Variants in SEMA5B observed in about 807,000 individuals in gnomAD.
SEMA5B encodes semaphorin 5B.
SEMA5B carries 66 observed loss-of-function variants against 135.0 expected under a neutral mutation model. That is an observed-to-expected ratio of 0.49 (90% CI 0.40 to 0.60). The LOEUF (loss-of-function observed/expected upper bound fraction) is 0.60, where lower values mean the gene tolerates loss of function less well. Among genes scored for constraint, SEMA5B ranks in the 20% least tolerant of loss-of-function variants. SEMA5B has a pLI of 0.00. For synonymous variants in SEMA5B, 690 were observed against 639.5 expected (o/e 1.08, Z -1.19); for missense variants, 1,501 against 1,566.3 (o/e 0.96, Z 0.70).
chr3:123,004,384 A>G (rs1942253315), intron 1 of SEMA5B, among the ~76,000 whole-genome samples: 1 of 152,240 alleles, frequency 6.6e-6, no homozygotes, highest in African/African-American at 2.4e-5. Context: ...CATTTGGCGT[A>G]AGCAAATTGT....
chr3:122,946,327 T>C (rs969689428), intron 3 of SEMA5B, among the ~76,000 whole-genome samples: 1 of 151,958 alleles, frequency 6.6e-6, no homozygotes, highest in African/African-American at 2.4e-5. Flanking sequence ...AAAACAGCAG[T>C]CAGATTCTGT....
At chr3:123,022,505 A>G (rs1942708460) in intron 1 of SEMA5B, among the ~76,000 whole-genome samples, 1 of 152,186 alleles carries the variant, frequency 6.6e-6, no homozygotes, top group African/African-American at 2.4e-5. Context: ...AGCCCGATGG[A>G]ATCCTTGTCC....
chr3:122,928,189 C>CAGT (rs1938750044), intron 7 of SEMA5B, among the ~76,000 whole-genome samples, 186 bp from the exon 8 acceptor site: 1 of 152,186 alleles, frequency 6.6e-6, no homozygotes. Flanking sequence ...GAGGTCCTCC[C>CAGT]AGTAGCTCCA....
In SEMA5B at chr3:122,938,209, A is replaced by G. The variant is rs1228191300; in HGVS notation, c.474+1216T>C. The stretch of plus-strand genomic sequence containing the variant: ...TCAAATGCCTTGTACCATGCCTAGG[A>G]TGAGACCTGGCCTTTAGTGGTTATT... On this transcript the variant is annotated intron_variant, in intron 5 of 22. Transcript: ENST00000357599. 3.9e-5 allele frequency among the ~76,000 whole-genome samples: 6 copies of G among 152,342 alleles called. No homozygotes were observed. The South Asian group carries it at 1.0e-3, about 26-fold the overall frequency.
rs540627424 is a variant in SEMA5B at position 122,993,996 on chromosome 3, C to G, written c.-38-32695G>C. The stretch of plus-strand genomic sequence containing the variant: ...ACCCATTCTCCATAAGCCTCAGAAG[C>G]CTCTCCCCACCTGGCCCCATCTCAG... On this transcript the variant is annotated intron_variant, in intron 1 of 22. Transcript: ENST00000357599. Among the ~76,000 whole-genome samples, 10 of 152,202 alleles carry G rather than the reference C, an allele frequency of 6.6e-5. No homozygotes were observed. In the East Asian group the frequency reaches 1.5e-3, roughly 24 times the overall value.
In SEMA5B at chr3:122,929,003, T is replaced by C. The variant is rs1476979810; in HGVS notation, c.530A>G (p.Lys177Arg). ...ACCGCCGAGACCACGTACCTCAGTCTTCCCTTTGCTTTGGCAGGAGCGGCG... is the reference window on the plus strand; with the variant it reads ...ACCGCCGAGACCACGTACCTCAGTCCTCCCTTTGCTTTGGCAGGAGCGGCG... ...DTRRSCQSKG[K>R]TEEECQNYVR... The change falls in exon 6 of 23, where the codon AAG becomes AGG. Residue 177 changes from lysine (K) to arginine (R), a missense_variant. Lys to Arg is a conservative substitution (Grantham distance 26, BLOSUM62 2). Transcript: ENST00000357599. The C allele has an allele frequency of 1.2e-6, 2 of 1,612,350 alleles. No individual in the cohort carries two copies. The highest frequency in any genetic ancestry group is 2.7e-5 in the African/African-American group (2 of 74,932).
At chr3:122,947,965 G>C (rs1044235431) in intron 3 of SEMA5B, among the ~76,000 whole-genome samples, 1 of 152,044 alleles carries the variant, frequency 6.6e-6, no homozygotes, top group Non-Finnish European at 1.5e-5. Context: ...AGAATTTACA[G>C]ACCCCTTGGA....
chr3:123,011,065 C>A (rs1361168846), intron 1 of SEMA5B, among the ~76,000 whole-genome samples: 2 of 152,122 alleles, frequency 1.3e-5, no homozygotes, highest in East Asian at 3.9e-4. Flanking sequence ...CTTGAGCACA[C>A]AGAAGTCAGG....
rs1215427556 is a variant in SEMA5B at position 122,911,985 on chromosome 3, G to A, written c.2981C>T (p.Pro994Leu). 1 of 1,613,420 alleles carries A rather than the reference G, an allele frequency of 6.2e-7. No individual in the cohort carries two copies. The highest frequency in any genetic ancestry group is 1.1e-5 in the South Asian group (1 of 90,982). Residue 994 changes from proline (P) to leucine (L), a missense_variant, in exon 20 of 23, where the codon CCA becomes CTA. Physicochemically the swap from Pro to Leu is moderately conservative, Grantham distance 98. Coordinates refer to ENST00000357599, the MANE Select transcript of SEMA5B (RefSeq NM_001031702.4). ...GTTTCCAGCACAGGCGCTGGACCCTGGGAGGAGCTCCTCACAGTGCCGGCT... is the reference window on the plus strand; with the variant it reads ...GTTTCCAGCACAGGCGCTGGACCCTAGGAGGAGCTCCTCACAGTGCCGGCT... ...SRSRHCEELL[P>L]GSSACAGNSS...
chr3:122,964,322 G>C (rs1353520705), intron 1 of SEMA5B, among the ~76,000 whole-genome samples: 1 of 152,178 alleles, frequency 6.6e-6, no homozygotes, highest in South Asian at 2.1e-4. Context: ...TATGAGCCAA[G>C]TATGTGGGGT....
At position 122,910,018 on chromosome 3, in the gene SEMA5B, C is replaced by T; in HGVS notation, c.*125G>A. ...CTCTCTGAAGCCGGATGGGACCCCC[C>T]ACAGGCAAGGCAGCAAGTTCTTGGC... On this transcript the variant is annotated 3_prime_UTR_variant, in exon 23 of 23. Coordinates refer to ENST00000357599, the MANE Select transcript of SEMA5B (RefSeq NM_001031702.4). 9.6e-7 allele frequency: 1 copy of T among 1,041,922 alleles called. No individual in the cohort carries two copies. Among genetic ancestry groups the T allele is most frequent in the Non-Finnish European group, 1.4e-6 (1 of 723,830 alleles). 64.5% of individuals were successfully genotyped at this position (1,041,922 alleles called of 1,614,324 possible). A position where few individuals can be genotyped will look rare whatever the true frequency, so the allele number is the denominator to read the frequency against.
chr3:123,010,921 G>T (rs945553087), intron 1 of SEMA5B, among the ~76,000 whole-genome samples: 6 of 152,126 alleles, frequency 3.9e-5, no homozygotes, highest in African/African-American at 1.4e-4. Flanking sequence ...AGCAAATAGC[G>T]GGTGTGAATC....
intron 1 of SEMA5B, among the ~76,000 whole-genome samples, chr3:122,990,730 G>A (rs1162819907): frequency 6.6e-6 from 1 of 152,174 alleles, no homozygotes; most frequent in Non-Finnish European, 1.5e-5. Context: ...CCCCACAGGG[G>A]TTCTGATAAC....
At chr3:122,928,109 C>G (rs1204329721) in intron 7 of SEMA5B, 106 bp from the exon 8 acceptor site, 11 of 725,592 alleles carry the variant, frequency 1.5e-5, no homozygotes, top group Non-Finnish European at 2.1e-5. Flanking sequence ...CTCTGGGCCT[C>G]TCCCCTCCTC....
chr3:122,962,963 A>C (rs908948534), intron 1 of SEMA5B, among the ~76,000 whole-genome samples: 1 of 152,230 alleles, frequency 6.6e-6, no homozygotes, highest in Admixed American at 6.5e-5. Context: ...ATCTGGCCCA[A>C]GGGCACTCTG....
At chr3:122,964,208 G>A (rs1159104549) in intron 1 of SEMA5B, among the ~76,000 whole-genome samples, 4 of 152,162 alleles carry the variant, frequency 2.6e-5, no homozygotes, top group Non-Finnish European at 4.4e-5. Context: ...AACATTCTCA[G>A]GCTCTCCTCT....
At chr3:122,924,970 C>T (rs746861436) in intron 9 of SEMA5B, among the ~76,000 whole-genome samples, 14 of 152,188 alleles carry the variant, frequency 9.2e-5, no homozygotes, top group Admixed American at 3.9e-4. Context: ...GCTTTTGTGA[C>T]GCCGCACCCC....
chr3:122,953,901 C>G (rs921212720), intron 2 of SEMA5B, among the ~76,000 whole-genome samples: 1 of 152,188 alleles, frequency 6.6e-6, no homozygotes, highest in Non-Finnish European at 1.5e-5. Context: ...CCCATCCCAG[C>G]CATAGCTGCT....
intron 1 of SEMA5B, among the ~76,000 whole-genome samples, chr3:123,026,378 C>T (rs1023876151): frequency 1.3e-5 from 2 of 152,064 alleles, no homozygotes; most frequent in African/African-American, 4.8e-5. Context: ...CTCTCCCCAT[C>T]CAGACTCTCG....
Sources: gnomAD v4.1 joint callset for allele counts (sites outside exome capture counted in the v4.1 genomes callset) on GRCh38, gnomAD v4.1.1 for gene constraint, MANE v1.5 for transcripts, NCBI Gene and HGNC (gene_info 2026-07-23, HGNC 2026-07-21) for gene names.